MYT1L: variants seen among roughly 807,000 people sequenced by gnomAD.
MYT1L encodes myelin transcription factor 1 like, also known as myelin transcription factor 1-like protein.
MYT1L carries 12 observed loss-of-function variants against 126.7 expected under a neutral mutation model. The observed-to-expected ratio is 0.09, with a 90% CI of 0.06 to 0.15. The LOEUF (loss-of-function observed/expected upper bound fraction) is 0.15. Among genes scored for constraint, MYT1L ranks in the 10% least tolerant of loss-of-function variants. The probability of loss-of-function intolerance (pLI) is 1.00; values close to 1 mark genes in which losing one functional copy is unlikely to be tolerated. For synonymous variants in MYT1L, 541 were observed against 604.2 expected, an observed-to-expected ratio of 0.90 and a Z score of 1.53; for missense variants, 979 against 1,585.2, an observed-to-expected ratio of 0.62 and a Z score of 6.49.
rs1464163536 is a variant in MYT1L at position 1,912,349 on chromosome 2, G to GA, written c.1619-240dup. The stretch of plus-strand genomic sequence containing the variant: ...TGACTGGACCCTACAGACCCTACAT[G>GA]AAAGGCCAGAGAAAGAAGGTTGACG... On this transcript the variant is annotated intron_variant, in intron 11 of 24. Coordinates refer to ENST00000647738, the MANE Select transcript of MYT1L (RefSeq NM_001303052.2). The surrounding 1 kb of genome is among the most constrained non-coding windows in gnomAD (Gnocchi z 4.3). Among the ~76,000 whole-genome samples the GA allele has an allele frequency of 6.6e-6, 1 of 152,164 alleles. No homozygotes were observed. Among genetic ancestry groups the GA allele is most frequent in the East Asian group, 1.9e-4 (1 of 5,180 alleles).
chr2:2,169,512 G>A (rs148806709), intron 3 of MYT1L, among the ~76,000 whole-genome samples: 2,062 of 152,220 alleles, frequency 0.014, 23 homozygotes, highest in South Asian at 0.04. Context: ...AAACATCTAC[G>A]GCATCGTTAA....
chr2:1,791,323 T>C lies in MYT1L; in HGVS notation c.*544A>G. 1 of 450,386 alleles carries C rather than the reference T, an allele frequency of 2.2e-6. No individual in the cohort carries two copies. The highest frequency in any genetic ancestry group is 4.6e-6 in the Non-Finnish European group (1 of 219,392). 27.9% of individuals were successfully genotyped at this position (450,386 alleles called of 1,614,324 possible). On this transcript the variant is annotated 3_prime_UTR_variant, in exon 25 of 25. Transcript: ENST00000647738. The surrounding 1 kb of genome is among the most constrained non-coding windows in gnomAD (Gnocchi z 6.0). ...CCAAGCATTGTTCAAAAATAAAGCATTTTTGCAACGAATTCTTGCTATGAA... is the reference window on the plus strand; with the variant it reads ...CCAAGCATTGTTCAAAAATAAAGCACTTTTGCAACGAATTCTTGCTATGAA...
rs75213392 is a variant in MYT1L at position 2,087,840 on chromosome 2, C to T, written c.-303-33717G>A. ...AAACTAATCTATAATGGCTTTTAAG[C>T]ACAGAACGGGCCAGTGACAGCTTGC... On this transcript the variant is annotated intron_variant, in intron 3 of 24. Transcript: ENST00000647738. Among the ~76,000 whole-genome samples the T allele has an allele frequency of 4.8e-3, 730 of 152,312 alleles. 6 individuals carry two copies. Among genetic ancestry groups the T allele is most frequent in the Non-Finnish European group, 8.7e-3 (592 of 68,040 alleles).
At chr2:2,122,872 T>TGTGA (rs553951630) in intron 3 of MYT1L, among the ~76,000 whole-genome samples, 165 of 133,062 alleles carry the variant, frequency 1.2e-3, no homozygotes, top group African/African-American at 2.0e-3. Flanking sequence ...TGTGTGTGTG[T>TGTGA]GAGAGAGAGA....
At chr2:1,833,518 T>C (rs915433368) in intron 21 of MYT1L, among the ~76,000 whole-genome samples, 1 of 152,168 alleles carries the variant, frequency 6.6e-6, no homozygotes, top group Admixed American at 6.5e-5. Flanking sequence ...CTTCTGTCGT[T>C]GTAGAATTCT....
chr2:2,142,852 A>G (rs2084221740), intron 3 of MYT1L, among the ~76,000 whole-genome samples: 1 of 151,572 alleles, frequency 6.6e-6, no homozygotes, highest in Non-Finnish European at 1.5e-5. Context: ...ATGCCTGGCT[A>G]ATGTTTGGAT....
chr2:2,032,130 G>C (rs1262121567), intron 4 of MYT1L, among the ~76,000 whole-genome samples: 1 of 132,770 alleles, frequency 7.5e-6, no homozygotes, highest in Non-Finnish European at 1.6e-5. Flanking sequence ...GTGGCCCAGA[G>C]CAGATTCTAG....
intron 2 of MYT1L, among the ~76,000 whole-genome samples, chr2:2,200,028 C>T (rs945382561): frequency 1.1e-4 from 17 of 152,172 alleles, no homozygotes; most frequent in African/African-American, 2.9e-4. Flanking sequence ...GCTGTGCCCT[C>T]ATACACACGC....
At chr2:1,948,127 C>G (rs767266259) in intron 8 of MYT1L, among the ~76,000 whole-genome samples, 8 of 152,146 alleles carry the variant, frequency 5.3e-5, no homozygotes, top group Non-Finnish European at 7.4e-5. Flanking sequence ...ATGAAGTGTA[C>G]GTTTCAGTAC....
intron 8 of MYT1L, among the ~76,000 whole-genome samples, chr2:1,972,885 T>C (rs1049524493): frequency 6.6e-6 from 1 of 152,242 alleles, no homozygotes; most frequent in African/African-American, 2.4e-5. Flanking sequence ...ATGAAATGAT[T>C]TGACTCAGTG....
intron 14 of MYT1L, among the ~76,000 whole-genome samples, chr2:1,893,958 T>G (rs1002968440): frequency 1.3e-5 from 2 of 152,216 alleles, no homozygotes; most frequent in African/African-American, 4.8e-5. Context: ...TTGGCCAGGC[T>G]GTCTTCGTCT....
In MYT1L at chr2:1,910,036, G is replaced by A. The variant is rs1205627604; in HGVS notation, c.1817+204C>T. On this transcript the variant is annotated intron_variant, in intron 13 of 24. Transcript: ENST00000647738. This position sits in a 1 kb window ranked among gnomAD's most constrained non-coding sequence, Gnocchi z 4.8. ...TGTAAATTGTCACAGCGAATCCGCA[G>A]ACACCAGGGGAAGAATGACACCCTT... 6.6e-6 allele frequency among the ~76,000 whole-genome samples: 1 copy of A among 152,196 alleles called. No individual in the cohort carries two copies. Among genetic ancestry groups the A allele is most frequent in the Admixed American group, 6.5e-5 (1 of 15,280 alleles).
intron 4 of MYT1L, among the ~76,000 whole-genome samples, chr2:2,024,088 G>C (rs1247641905): frequency 1.3e-5 from 2 of 152,064 alleles, no homozygotes; most frequent in Non-Finnish European, 2.9e-5. Context: ...AAATAATTCT[G>C]AAATTTTTTA....
chr2:2,271,217 T>C (rs1017554443), intron 2 of MYT1L, among the ~76,000 whole-genome samples: 2 of 152,178 alleles, frequency 1.3e-5, no homozygotes, highest in African/African-American at 4.8e-5. Flanking sequence ...ACAACATGGA[T>C]TTTTAAATTA....
chr2:1,831,618 T>G (rs2040197627), intron 21 of MYT1L, among the ~76,000 whole-genome samples: 1 of 152,202 alleles, frequency 6.6e-6, no homozygotes, highest in Non-Finnish European at 1.5e-5. Flanking sequence ...TCAGTTGTAT[T>G]CCCACGGCCA....
rs139217417 is a variant in MYT1L, at chr2:2,123,510, C to T, written c.-304+49362G>A. Among the ~76,000 whole-genome samples, 492 of 152,234 alleles carry T rather than the reference C, an allele frequency of 3.2e-3. 1 individual carries two copies. The highest frequency in any genetic ancestry group is 0.011 in the African/African-American group (472 of 41,546). On this transcript the variant is annotated intron_variant, in intron 3 of 24. Transcript: ENST00000647738. The stretch of plus-strand genomic sequence containing the variant: ...GCCCATTTTCCCCTTGCTGTTCTCA[C>T]GACACTGAGTTCTCGCAAGACCTGG...
At chr2:1,901,321 C>A (rs946587684) in intron 14 of MYT1L, among the ~76,000 whole-genome samples, 2 of 152,128 alleles carry the variant, frequency 1.3e-5, no homozygotes, top group South Asian at 2.1e-4. Context: ...TGGATCAAAT[C>A]CCGGTAGAAC....
chr2:2,192,400 T>A (rs1202975805), intron 2 of MYT1L, among the ~76,000 whole-genome samples: 2 of 141,686 alleles, frequency 1.4e-5, no homozygotes, highest in Non-Finnish European at 3.0e-5. Flanking sequence ...TTTTATTCAG[T>A]GTTTCATGTT....
In MYT1L at chr2:2,003,463, C is replaced by T. The variant is rs145699836; in HGVS notation, c.-157-6116G>A. On this transcript the variant is annotated intron_variant, in intron 4 of 24. Coordinates refer to ENST00000647738, the MANE Select transcript of MYT1L (RefSeq NM_001303052.2). ...CTCTGGGTAGCTCCTCTCAGCCTCCCAGTGCCTCTCAACAGAGCTCTTCTC... is the reference window on the plus strand; with the variant it reads ...CTCTGGGTAGCTCCTCTCAGCCTCCTAGTGCCTCTCAACAGAGCTCTTCTC... Among the ~76,000 whole-genome samples the T allele has an allele frequency of 2.6e-3, 392 of 152,316 alleles. 1 individual carries two copies. Among genetic ancestry groups the T allele is most frequent in the African/African-American group, 9.2e-3 (382 of 41,582 alleles).
Sources: allele counts gnomAD v4.1 joint callset (sites outside exome capture counted in the v4.1 genomes callset), GRCh38; gene constraint gnomAD v4.1.1; non-coding constraint Gnocchi (gnomAD v3.1); transcripts MANE v1.5; gene names NCBI Gene and HGNC (gene_info 2026-07-23, HGNC 2026-07-21).